Variants in FZD4 observed in about 807,000 individuals in gnomAD.
FZD4 encodes frizzled-4.
Under a neutral mutation model 37.3 loss-of-function variants are expected in FZD4, and 16 were observed. The ratio of observed to expected loss-of-function variants is 0.43; its 90% CI spans 0.29 to 0.65. The LOEUF is 0.65. FZD4 is among the 30% of genes least tolerant of loss of function. The probability of loss-of-function intolerance (pLI) is 0.16; values close to 1 mark genes in which losing one functional copy is unlikely to be tolerated. For synonymous variants in FZD4, 246 were observed against 254.8 expected (o/e 0.97, Z 0.33); for missense variants, 599 against 674.3 (o/e 0.89, Z 1.24).
chr11:86,951,739 G>A lies in FZD4; in HGVS notation c.1017C>T (p.Ala339=), dbSNP rs748642261. The change falls in exon 2 of 2, where the codon GCC becomes GCT. Residue 339 remains alanine (A), a synonymous_variant. Transcript: ENST00000531380. The part of the protein sequence containing the change: ...LAAGLKWGHE[A]IEMHSSYFHI... ...GGAAATAAGAGCTGTGCATTTCAAT[G>A]GCTTCATGACCCCATTTGAGTCCTG... The A allele has an allele frequency of 6.2e-7, 1 of 1,614,178 alleles. No individual in the cohort carries two copies. The highest frequency in any genetic ancestry group is 1.7e-5 in the Admixed American group (1 of 60,026).
rs1949275811 is a variant in FZD4, at chr11:86,949,957, A to G, written c.*1185T>C. 6.6e-6 allele frequency: 1 copy of G among 152,512 alleles called. No individual in the cohort carries two copies. Among genetic ancestry groups the G allele is most frequent in the African/African-American group, 2.4e-5 (1 of 41,458 alleles). The allele number at this position is 152,512 out of a possible 1,614,324, so 9.4% of individuals were successfully genotyped here. ...AACTGAAAAAGTCTCCATTGTCCTAAGTAGACCAGATTCTGATAACATTCT... is the reference window on the plus strand; with the variant it reads ...AACTGAAAAAGTCTCCATTGTCCTAGGTAGACCAGATTCTGATAACATTCT... On this transcript the variant is annotated 3_prime_UTR_variant, in exon 2 of 2. Coordinates refer to ENST00000531380, the MANE Select transcript of FZD4 (RefSeq NM_012193.4).
At position 86,947,801 on chromosome 11, in the gene FZD4, T is replaced by A. The variant is rs1949256249; in HGVS notation, c.*3341A>T. On this transcript the variant is annotated 3_prime_UTR_variant, in exon 2 of 2. Transcript: ENST00000531380. Reference sequence around the variant, plus strand: ...GCCTATATGAAGCAGGAGAAAGGAATCTACCAGAAAGGAGGTTGGACAGAG... The same window carrying A: ...GCCTATATGAAGCAGGAGAAAGGAAACTACCAGAAAGGAGGTTGGACAGAG... 1 of 152,268 alleles carries A rather than the reference T, an allele frequency of 6.6e-6. No individual in the cohort carries two copies. The highest frequency in any genetic ancestry group is 1.5e-5 in the Non-Finnish European group (1 of 68,110). The allele number at this position is 152,268 out of a possible 1,614,324, so 9.4% of individuals were successfully genotyped here.
Position 86,951,429 on chromosome 11 carries a change from G to T in FZD4, c.1327C>A (p.Leu443Met). ...LMVKIGVFSV[L>M]YTVPATCVIA... ...ACACACGTTGCAGGAACTGTGTACA[G>T]TACTGAGAACACCCCAATCTTGACC... The change falls in exon 2 of 2, where the codon CTG (leucine) becomes ATG (methionine). Residue 443 changes from leucine to methionine, a missense_variant. Transcript: ENST00000531380. 6.2e-7 allele frequency: 1 copy of T among 1,612,598 alleles called. No homozygotes were observed. Among genetic ancestry groups the T allele is most frequent in the Non-Finnish European group, 8.5e-7 (1 of 1,178,528 alleles).
intron 1 of FZD4, 29 bp downstream of exon 1, chr11:86,954,772 C>A: frequency 6.3e-7 from 1 of 1,575,862 alleles, no homozygotes; most frequent in South Asian, 1.2e-5. Context: ...CCAAGGGGTC[C>A]CGCCAGGGGT....
Position 86,954,918 on chromosome 11 carries a change from G to C in FZD4, c.168C>G (p.Leu56=). Residue 56 remains leucine (L), a synonymous_variant, in exon 1 of 2, where the codon CTC becomes CTG. Coordinates refer to ENST00000531380, the MANE Select transcript of FZD4 (RefSeq NM_012193.4). ...DPIRISMCQN[L]GYNVTKMPNL... The stretch of plus-strand genomic sequence containing the variant: ...TGGGCATCTTGGTCACGTTGTAGCC[G>C]AGGTTCTGGCACATGGAGATGCGGA... The C allele has an allele frequency of 6.2e-7, 1 of 1,613,662 alleles. No individual in the cohort carries two copies. Among genetic ancestry groups the C allele is most frequent in the Non-Finnish European group, 8.5e-7 (1 of 1,179,860 alleles).
rs1160768109 is a variant in FZD4 at position 86,947,006 on chromosome 11, C to A, written c.*4136G>T. 6.6e-6 allele frequency: 1 copy of A among 152,356 alleles called. No individual in the cohort carries two copies. The highest frequency in any genetic ancestry group is 1.5e-5 in the Non-Finnish European group (1 of 68,216). The allele number at this position is 152,356 out of a possible 1,614,324, so 9.4% of individuals were successfully genotyped here. ...AGATCATGAGGTCAGGAGTTCGAGA[C>A]CAGCCTGGCCAACACAGTGAAACCC... On this transcript the variant is annotated 3_prime_UTR_variant, in exon 2 of 2. Transcript: ENST00000531380.
At position 86,952,405 on chromosome 11, in the gene FZD4, G is replaced by A. The variant is rs188461616; in HGVS notation, c.351C>T (p.Cys117=). 14 of 1,614,046 alleles carry A rather than the reference G, an allele frequency of 8.7e-6. No individual in the cohort carries two copies. The highest frequency in any genetic ancestry group is 2.2e-5 in the East Asian group (1 of 44,884). Reference sequence around the variant, plus strand: ...TCTTGACTGAAAGACACATGCCGCCGCATGGGCCAATGGGGATGTTGATCT... The same window carrying A: ...TCTTGACTGAAAGACACATGCCGCCACATGGGCCAATGGGGATGTTGATCT... ...TEKINIPIGP[C]GGMCLSVKRR... Residue 117 remains cysteine (C), a synonymous_variant, in exon 2 of 2, where the codon TGC becomes TGT. Coordinates refer to ENST00000531380, the MANE Select transcript of FZD4 (RefSeq NM_012193.4).
At chr11:86,953,814 G>A (rs1390130383) in intron 1 of FZD4, among the ~76,000 whole-genome samples, 1 of 151,872 alleles carries the variant, frequency 6.6e-6, no homozygotes, top group African/African-American at 2.4e-5. Flanking sequence ...ACAGGATTTC[G>A]CCATGTTGGT....
rs2135040927 is a variant in FZD4 at position 86,951,866 on chromosome 11, A to T, written c.890T>A (p.Leu297His). 6.2e-7 allele frequency: 1 copy of T among 1,613,710 alleles called. No homozygotes were observed. The change falls in exon 2 of 2, where the codon CTT becomes CAT. Residue 297 changes from leucine to histidine, a missense_variant. Physicochemically the swap from Leu to His is moderately conservative, Grantham distance 99 (BLOSUM62 -3). This residue lies in a region of FZD4 where 357 missense variants were observed against 396.1 expected (regional missense o/e 0.90). Coordinates refer to ENST00000531380, the MANE Select transcript of FZD4 (RefSeq NM_012193.4). The stretch of plus-strand genomic sequence containing the variant: ...AATTATTGCACATCCTGTGTTCTTA[A>T]GTCCTTCTTGGATGAGAACAGGTTC... ...AAEPVLIQEG[L>H]KNTGCAIIFL... is the part of the protein sequence containing the mutation.
intron 1 of FZD4, among the ~76,000 whole-genome samples, chr11:86,953,906 C>A (rs891753034): frequency 3.3e-5 from 5 of 152,190 alleles, no homozygotes; most frequent in Non-Finnish European, 5.9e-5. Flanking sequence ...TGAGCCACTG[C>A]GCCCGGCCAG....
In FZD4 at chr11:86,951,882, G is replaced by C. The variant is rs2135040940; in HGVS notation, c.874C>G (p.Leu292Val). The stretch of plus-strand genomic sequence containing the variant: ...GTGTTCTTAAGTCCTTCTTGGATGA[G>C]AACAGGTTCTGCTGCCTCTTCAAAA... ...CDFEEAAEPV[L>V]IQEGLKNTGC... Residue 292 changes from leucine to valine, a missense_variant, in exon 2 of 2, where the codon CTC (leucine) becomes GTC (valine). Around this residue, in one of 3 missense-constraint regions of FZD4, gnomAD observed 357 missense variants for 396.1 expected, o/e 0.90. Coordinates refer to ENST00000531380, the MANE Select transcript of FZD4 (RefSeq NM_012193.4). The C allele has an allele frequency of 6.2e-7, 1 of 1,613,656 alleles. No homozygotes were observed. Among genetic ancestry groups the C allele is most frequent in the Non-Finnish European group, 8.5e-7 (1 of 1,180,008 alleles).
At position 86,948,729 on chromosome 11, in the gene FZD4, A is replaced by G. The variant is rs1158867392; in HGVS notation, c.*2413T>C. 1.3e-5 allele frequency: 2 copies of G among 152,262 alleles called. No individual in the cohort carries two copies. The highest frequency in any genetic ancestry group is 2.9e-5 in the Non-Finnish European group (2 of 68,052). The allele number at this position is 152,262 out of a possible 1,614,324, so 9.4% of individuals were successfully genotyped here. A position where few individuals can be genotyped will look rare whatever the true frequency, so the allele number is the denominator to read the frequency against. On this transcript the variant is annotated 3_prime_UTR_variant, in exon 2 of 2. Coordinates refer to ENST00000531380, the MANE Select transcript of FZD4 (RefSeq NM_012193.4). ...GCTCTTTTATTGTTATTATTTAGTC[A>G]TTGACAAGTATCGATCACCTACTCC...
Position 86,951,277 on chromosome 11 carries a change from C to T in FZD4, c.1479G>A (p.Met493Ile). 1 of 1,614,226 alleles carries T rather than the reference C, an allele frequency of 6.2e-7. No homozygotes were observed. The highest frequency in any genetic ancestry group is 8.5e-7 in the Non-Finnish European group (1 of 1,180,036). ...MSLLVGITSG[M>I]WIWSAKTLHT... ...GAAGAGTTTTGGCAGACCAAATCCA[C>T]ATGCCTGAAGTGATGCCCACCAACA... Residue 493 changes from methionine (M) to isoleucine (I), a missense_variant, in exon 2 of 2, where the codon ATG becomes ATA. Met to Ile is a conservative substitution (Grantham distance 10, BLOSUM62 1). Transcript: ENST00000531380.
chr11:86,954,546 TG>T, intron 1 of FZD4: 1 of 985,272 alleles, frequency 1.0e-6, no homozygotes, highest in Non-Finnish European at 1.2e-6. Context: ...GTTAGGGGTC[TG>T]GGCCAGACAT....
rs1054592282 is a variant in FZD4 at position 86,949,126 on chromosome 11, A to G, written c.*2016T>C. 3 of 152,208 alleles carry G rather than the reference A, an allele frequency of 2.0e-5. No individual in the cohort carries two copies. Among genetic ancestry groups the G allele is most frequent in the African/African-American group, 7.2e-5 (3 of 41,454 alleles). 9.4% of individuals were successfully genotyped at this position (152,208 alleles called of 1,614,324 possible). ...GACCTAGAGTCTAGCCAAGGTACTC[A>G]GACTGGGCACAGCAGCAGGGGCCAC... is the stretch of plus-strand genomic sequence containing the variant. On this transcript the variant is annotated 3_prime_UTR_variant, in exon 2 of 2. Transcript: ENST00000531380.
intron 1 of FZD4, among the ~76,000 whole-genome samples, chr11:86,953,701 C>G (rs1949313558): frequency 6.6e-6 from 1 of 152,176 alleles, no homozygotes; most frequent in African/African-American, 2.4e-5. Flanking sequence ...ACTGCAACCT[C>G]TGCCTCCTGG....
chr11:86,952,121 C>T lies in FZD4; in HGVS notation c.635G>A (p.Ser212Asn). The change falls in exon 2 of 2, where the codon AGC (serine) becomes AAC (asparagine). Residue 212 changes from serine (S) to asparagine (N), a missense_variant. By Grantham distance (46) the Ser-to-Asn change is conservative. Transcript: ENST00000531380. ...ATCAGTGAACTCCTTGGCTGAGCGG[C>T]TGTATAAGCCAGCATCATAGCCACA... ...LKCGYDAGLY[S>N]RSAKEFTDIW... is the part of the protein sequence containing the mutation. 1 of 1,613,708 alleles carries T rather than the reference C, an allele frequency of 6.2e-7. No homozygotes were observed. Among genetic ancestry groups the T allele is most frequent in the Non-Finnish European group, 8.5e-7 (1 of 1,179,704 alleles).
chr11:86,951,101 T>C lies in FZD4; in HGVS notation c.*41A>G. 1 of 1,602,588 alleles carries C rather than the reference T, an allele frequency of 6.2e-7. No homozygotes were observed. Among genetic ancestry groups the C allele is most frequent in the Middle Eastern group, 1.7e-4 (1 of 6,052 alleles). ...AGAATTTCCTCCAAAATGCTGGCAT[T>C]CCCCCCTTCAAAATGAAGAAAGCAT... On this transcript the variant is annotated 3_prime_UTR_variant, in exon 2 of 2. Transcript: ENST00000531380.
Position 86,951,114 on chromosome 11 carries a change from A to G in FZD4, c.*28T>C, listed in dbSNP as rs1381506757. The G allele has an allele frequency of 1.2e-6, 2 of 1,611,848 alleles. No individual in the cohort carries two copies. Among genetic ancestry groups the G allele is most frequent in the Non-Finnish European group, 1.7e-6 (2 of 1,178,008 alleles). ...AAATGCTGGCATTCCCCCCTTCAAA[A>G]TGAAGAAAGCATGGAGGCTGACTAG... is the stretch of plus-strand genomic sequence containing the variant. On this transcript the variant is annotated 3_prime_UTR_variant, in exon 2 of 2. Transcript: ENST00000531380.
Sources: allele counts gnomAD v4.1 joint callset (sites outside exome capture counted in the v4.1 genomes callset), GRCh38; gene constraint gnomAD v4.1.1; regional missense constraint gnomAD v4.1.1; transcripts MANE v1.5; gene names NCBI Gene and HGNC (gene_info 2026-07-23, HGNC 2026-07-21).